Variants in APMAP observed in about 807,000 individuals in gnomAD.
APMAP encodes the protein adipocyte plasma membrane associated protein.
In APMAP, 33 loss-of-function variants were observed where a neutral mutation model predicts 43.6. That is an observed-to-expected ratio of 0.76 (90% confidence interval 0.57 to 1.01). The LOEUF is 1.01. Ranked by LOEUF, APMAP falls within the 50% of genes least tolerant of loss-of-function variation. APMAP has a pLI of 0.00. For missense variants in APMAP, 498 were observed against 540.7 expected, an observed-to-expected ratio of 0.92 and a Z score of 0.78; for synonymous variants, 224 against 216.7, an observed-to-expected ratio of 1.03 and a Z score of -0.30.
intron 8 of APMAP, among the ~76,000 whole-genome samples, chr20:24,967,984 C>T (rs149139496): frequency 1.3e-5 from 2 of 152,378 alleles, no homozygotes; most frequent in East Asian, 3.9e-4. Context: ...TCCAGACACA[C>T]AGCCCAGCAA....
At chr20:24,974,047 C>G (rs1358198124) in intron 3 of APMAP, 3 of 231,354 alleles carry the variant, frequency 1.3e-5, no homozygotes, top group Admixed American at 5.2e-5. Flanking sequence ...CAAGCTGACA[C>G]TCAGCACTTA....
chr20:24,978,856 C>A lies in APMAP; in HGVS notation c.239G>T (p.Gly80Val), dbSNP rs2088076127. Reference sequence around the variant, plus strand: ...CAGCTTCGTATTTGGATGCAGAACACCAAGCAAGAGCGGGGGTTCTTTGAA... The same window carrying A: ...CAGCTTCGTATTTGGATGCAGAACAACAAGCAAGAGCGGGGGTTCTTTGAA... Reference protein sequence around the residue: ...LSFKEPPLLLGVLHPNTKLRQ... With the variant: ...LSFKEPPLLLVVLHPNTKLRQ... The change falls in exon 3 of 9, where the codon GGT becomes GTT. Residue 80 changes from glycine (G) to valine (V), a missense_variant. Gly to Val is a moderately radical substitution (Grantham distance 109). Coordinates refer to ENST00000217456, the MANE Select transcript of APMAP (RefSeq NM_020531.3). 6.2e-7 allele frequency: 1 copy of A among 1,613,514 alleles called. No individual in the cohort carries two copies. Among genetic ancestry groups the A allele is most frequent in the East Asian group, 2.2e-5 (1 of 44,894 alleles).
Position 24,963,909 on chromosome 20 carries a change from G to A in APMAP, c.1155C>T (p.Ala385=). The A allele has an allele frequency of 1.9e-6, 3 of 1,614,216 alleles. No homozygotes were observed. Among genetic ancestry groups the A allele is most frequent in the Middle Eastern group, 3.3e-4 (2 of 6,062 alleles). The change falls in exon 9 of 9, where the codon GCC becomes GCT. Residue 385 remains alanine, a synonymous_variant. Transcript: ENST00000217456. ...RSLHDPDGLV[A]TYISEVHEHD... ...GTTCGTGCACCTCGCTGATGTAGGT[G>A]GCCACCAGCCCATCGGGATCATGCA...
intron 3 of APMAP, among the ~76,000 whole-genome samples, chr20:24,975,779 T>C (rs2088045477): frequency 6.6e-6 from 1 of 152,228 alleles, no homozygotes; most frequent in South Asian, 2.1e-4. Flanking sequence ...AGATTCTCTA[T>C]AAAGCTACAG....
At chr20:24,964,822 A>C (rs1338104124) in intron 8 of APMAP, among the ~76,000 whole-genome samples, 5 of 152,180 alleles carry the variant, frequency 3.3e-5, no homozygotes, top group African/African-American at 1.2e-4. Context: ...GTGTCCAACG[A>C]ATAATGTCTC....
rs2087982635 is a variant in APMAP, at chr20:24,969,750, C to T, written c.714-90G>A. The T allele has an allele frequency of 8.2e-6, 12 of 1,472,112 alleles. No individual in the cohort carries two copies. In the South Asian group the frequency reaches 1.1e-4, roughly 13 times the overall value. The allele number at this position is 1,472,112 out of a possible 1,614,324, so 91.2% of individuals were successfully genotyped here. On this transcript the variant is annotated intron_variant, in intron 6 of 8. Coordinates refer to ENST00000217456, the MANE Select transcript of APMAP (RefSeq NM_020531.3). Reference sequence around the variant, plus strand: ...GGTATGGGCCTGAAGAAGGTGACTCCGCCTCACCCCGGAGCAACAGGCCCT... The same window carrying T: ...GGTATGGGCCTGAAGAAGGTGACTCTGCCTCACCCCGGAGCAACAGGCCCT...
At chr20:24,964,137 C>A in intron 8 of APMAP, 115 bp from the exon 9 acceptor site, 1 of 1,105,540 alleles carries the variant, frequency 9.0e-7, no homozygotes, top group South Asian at 1.4e-5. Flanking sequence ...CATGACAGGG[C>A]AGCCCCACAG....
At position 24,971,465 on chromosome 20, in the gene APMAP, C is replaced by A; in HGVS notation, c.533G>T (p.Trp178Leu). Residue 178 changes from tryptophan to leucine, a missense_variant, in exon 5 of 9, where the codon TGG becomes TTG. Trp to Leu is a moderately conservative substitution (Grantham distance 61). Coordinates refer to ENST00000217456, the MANE Select transcript of APMAP (RefSeq NM_020531.3). Reference sequence around the variant, plus strand: ...AACGAGATATTGTCACATACGTTTCCAGGGATTTACTTCAAATAGTCCCTT... The same window carrying A: ...AACGAGATATTGTCACATACGTTTCAAGGGATTTACTTCAAATAGTCCCTT... ...AYKGLFEVNP[W>L]KREVKLLLSS... 6.2e-7 allele frequency: 1 copy of A among 1,612,334 alleles called. No homozygotes were observed. Among genetic ancestry groups the A allele is most frequent in the South Asian group, 1.1e-5 (1 of 91,026 alleles).
chr20:24,978,709 G>T, intron 3 of APMAP, 58 bp downstream of exon 3: 1 of 1,149,030 alleles, frequency 8.7e-7, no homozygotes, highest in Non-Finnish European at 1.2e-6. Context: ...CACAGAACCC[G>T]CCCCCTCAGA....
intron 8 of APMAP, among the ~76,000 whole-genome samples, chr20:24,968,385 G>T (rs2087964370): frequency 6.6e-6 from 1 of 152,234 alleles, no homozygotes; most frequent in Admixed American, 6.5e-5. Flanking sequence ...CAGTGAGGCT[G>T]CAAGAAGGCA....
rs1051591059 is a variant in APMAP, at chr20:24,969,541, A to G, written c.833T>C (p.Met278Thr). The G allele has an allele frequency of 6.2e-7, 1 of 1,612,972 alleles. No homozygotes were observed. The highest frequency in any genetic ancestry group is 8.5e-7 in the Non-Finnish European group (1 of 1,179,148). Residue 278 changes from methionine (M) to threonine (T), a missense_variant, in exon 7 of 9, where the codon ATG becomes ACG. Met to Thr is a moderately conservative substitution (Grantham distance 81). Coordinates refer to ENST00000217456, the MANE Select transcript of APMAP (RefSeq NM_020531.3). ...CCACACACACCTTCGTATCCTGGCC[A>G]TGGTTGTTTCTGCCACCAGGACAAA... Reference protein sequence around the residue: ...EDFVLVAETTMARIRRVYVSG... With the variant: ...EDFVLVAETTTARIRRVYVSG...
At chr20:24,970,767 T>A (rs956001304) in intron 5 of APMAP, among the ~76,000 whole-genome samples, 1 of 152,010 alleles carries the variant, frequency 6.6e-6, no homozygotes, top group Non-Finnish European at 1.5e-5. Context: ...ATGGATTGAG[T>A]GCTAAGCACT....
chr20:24,974,948 AG>A (rs2088038024), intron 3 of APMAP, among the ~76,000 whole-genome samples: 1 of 152,354 alleles, frequency 6.6e-6, no homozygotes, highest in African/African-American at 2.4e-5. Context: ...CAACAGATAC[AG>A]AAAAAAACAT....
Position 24,971,481 on chromosome 20 carries a change from A to T in APMAP, c.517T>A (p.Phe173Ile). Residue 173 changes from phenylalanine (F) to isoleucine (I), a missense_variant, in exon 5 of 9, where the codon TTT (phenylalanine) becomes ATT (isoleucine). By Grantham distance (21) the Phe-to-Ile change is conservative. Coordinates refer to ENST00000217456, the MANE Select transcript of APMAP (RefSeq NM_020531.3). ...ATACGTTTCCAGGGATTTACTTCAAATAGTCCCTTGTATGCATCGGCCACA... is the reference window on the plus strand; with the variant it reads ...ATACGTTTCCAGGGATTTACTTCAATTAGTCCCTTGTATGCATCGGCCACA... ...LFVADAYKGL[F>I]EVNPWKREVK... 1 of 1,614,036 alleles carries T rather than the reference A, an allele frequency of 6.2e-7. No homozygotes were observed. Among genetic ancestry groups the T allele is most frequent in the Middle Eastern group, 1.7e-4 (1 of 6,060 alleles).
rs114304241 is a variant in APMAP, at chr20:24,964,037, A to C, written c.1042-15T>G. The stretch of plus-strand genomic sequence containing the variant: ...TGACTAAAGAGCTAGAGGGAAGCAC[A>C]GTGCAGGGAAAGTTCACCAGCTGGC... On this transcript the variant is annotated splice_polypyrimidine_tract_variant and intron_variant, in intron 8 of 8. Transcript: ENST00000217456. 6.2e-7 allele frequency: 1 copy of C among 1,613,076 alleles called. No individual in the cohort carries two copies. The highest frequency in any genetic ancestry group is 1.1e-5 in the South Asian group (1 of 91,082).
At chr20:24,971,986 G>A (rs1484736781) in intron 4 of APMAP, among the ~76,000 whole-genome samples, 1 of 150,936 alleles carries the variant, frequency 6.6e-6, no homozygotes, top group Non-Finnish European at 1.5e-5. Flanking sequence ...CTTACTGCAG[G>A]GTGTTCACTG....
intron 5 of APMAP, 45 bp from the exon 6 acceptor site, chr20:24,970,416 T>TTG: frequency 6.5e-7 from 1 of 1,546,882 alleles, no homozygotes; most frequent in Non-Finnish European, 8.8e-7. Context: ...AACTAGGAAC[T>TTG]TCTCAATAAT....
At chr20:24,983,284 A>T (rs1189157407) in intron 2 of APMAP, among the ~76,000 whole-genome samples, 2 of 152,232 alleles carry the variant, frequency 1.3e-5, no homozygotes, top group Non-Finnish European at 2.9e-5. Context: ...GCTTCACCCC[A>T]TCAGCAGTTG....
intron 2 of APMAP, 92 bp downstream of exon 2, chr20:24,983,811 G>T: frequency 1.1e-6 from 1 of 880,898 alleles, no homozygotes; most frequent in Non-Finnish European, 1.7e-6. Context: ...TTTCAGATCA[G>T]ATTGATTTAA....
Sources: gnomAD v4.1 joint callset for allele counts (sites outside exome capture counted in the v4.1 genomes callset) on GRCh38, gnomAD v4.1.1 for gene constraint, MANE v1.5 for transcripts, NCBI Gene and HGNC (gene_info 2026-07-23, HGNC 2026-07-21) for gene names.